The following PRKD1 variants were observed in gnomAD, a reference collection of about 807,000 sequenced individuals.
PRKD1 encodes the protein protein kinase D1.
PRKD1 carries 63 observed loss-of-function variants against 95.9 expected under a neutral mutation model. The observed-to-expected ratio is 0.66, with a 90% CI of 0.54 to 0.81. The LOEUF (loss-of-function observed/expected upper bound fraction) is 0.81. Ranked by LOEUF, PRKD1 falls within the 30% of genes least tolerant of loss-of-function variation. The probability of loss-of-function intolerance (pLI) is 0.00; values close to 1 mark genes in which losing one functional copy is unlikely to be tolerated. For synonymous variants in PRKD1, 425 were observed against 423.1 expected, an observed-to-expected ratio of 1.00 and a Z score of -0.05; for missense variants, 1,048 against 1,165.3, an observed-to-expected ratio of 0.90 and a Z score of 1.47.
chr14:29,592,292 C>T (rs1893157476), intron 16 of PRKD1, among the ~76,000 whole-genome samples: 1 of 151,900 alleles, frequency 6.6e-6, no homozygotes, highest in African/African-American at 2.4e-5. Flanking sequence ...CACTCTTTCC[C>T]CATGATGAGC....
chr14:29,709,950 C>G (rs1246099396), intron 2 of PRKD1, among the ~76,000 whole-genome samples: 1 of 152,132 alleles, frequency 6.6e-6, no homozygotes, highest in Non-Finnish European at 1.5e-5. Flanking sequence ...ACAAAATTAG[C>G]AATCCCAGTT....
At chr14:29,826,159 C>CACACATATATATGATGGAATATATAT (rs1891099754) in intron 1 of PRKD1, among the ~76,000 whole-genome samples, 1 of 146,100 alleles carries the variant, frequency 6.8e-6, no homozygotes, top group African/African-American at 2.5e-5. Flanking sequence ...CATATATACA[C>CACACATATATATGATGGAATATATAT]ACACATATAT....
intron 17 of PRKD1, among the ~76,000 whole-genome samples, chr14:29,577,659 A>G (rs1594332629): frequency 6.6e-6 from 1 of 152,152 alleles, no homozygotes; most frequent in Non-Finnish European, 1.5e-5. Flanking sequence ...CATACTGTTT[A>G]TAAGATAGCA....
intron 1 of PRKD1, among the ~76,000 whole-genome samples, chr14:29,819,203 T>C (rs1254323178): frequency 6.6e-6 from 1 of 152,166 alleles, no homozygotes; most frequent in Non-Finnish European, 1.5e-5. Flanking sequence ...ATATAAATGG[T>C]AGGTTAAGGT....
chr14:29,787,295 T>C (rs181531005), intron 1 of PRKD1, among the ~76,000 whole-genome samples: 2 of 150,832 alleles, frequency 1.3e-5, no homozygotes, highest in Non-Finnish European at 3.0e-5. Context: ...AGAAGATGTG[T>C]ATTCTTCAGC....
chr14:29,636,261 T>C (rs758294746), intron 7 of PRKD1, 29 bp downstream of exon 7: 7 of 1,613,736 alleles, frequency 4.3e-6, no homozygotes, highest in Non-Finnish European at 5.9e-6. Flanking sequence ...GGTTCCCCTG[T>C]TGGCTGAGGC....
chr14:29,682,227 T>A (rs888112016), intron 2 of PRKD1, among the ~76,000 whole-genome samples: 1 of 152,226 alleles, frequency 6.6e-6, no homozygotes, highest in East Asian at 1.9e-4. Context: ...CATCTGGGAA[T>A]ATCAACGTGG....
chr14:29,594,210 T>A, intron 16 of PRKD1: 1 of 436,524 alleles, frequency 2.3e-6, no homozygotes, highest in South Asian at 1.7e-5. Flanking sequence ...AAATTTGTAA[T>A]TCTGACACAT....
chr14:29,717,962 A>G (rs185041430), intron 2 of PRKD1, among the ~76,000 whole-genome samples: 1 of 152,264 alleles, frequency 6.6e-6, no homozygotes, highest in Admixed American at 6.5e-5. Flanking sequence ...CCATTTTATC[A>G]GGAGATAAAT....
chr14:29,757,344 T>C (rs556368511), intron 1 of PRKD1, among the ~76,000 whole-genome samples: 18 of 152,146 alleles, frequency 1.2e-4, no homozygotes, highest in Non-Finnish European at 2.6e-4. Flanking sequence ...TGCAGCTAAA[T>C]GCAAGGTGCC....
At chr14:29,894,484 T>C (rs1376263429) in intron 1 of PRKD1, among the ~76,000 whole-genome samples, 1 of 152,232 alleles carries the variant, frequency 6.6e-6, no homozygotes, top group Non-Finnish European at 1.5e-5. Flanking sequence ...TGGGGACATA[T>C]GGAGAATATT....
chr14:29,700,605 T>C (rs551378602), intron 2 of PRKD1, among the ~76,000 whole-genome samples: 2 of 152,316 alleles, frequency 1.3e-5, no homozygotes, highest in South Asian at 2.1e-4. Flanking sequence ...GTTAATCTTA[T>C]GTGCCTTCTT....
intron 1 of PRKD1, among the ~76,000 whole-genome samples, chr14:29,734,028 C>CTTTTTTTTTTTGT (rs1886588651): frequency 1.5e-5 from 1 of 64,640 alleles, no homozygotes; most frequent in African/African-American, 7.9e-5. Flanking sequence ...ACTTTCCTGC[C>CTTTTTTTTTTTGT]TTTTTTTTTT....
At chr14:29,588,819 T>A (rs999871868) in intron 16 of PRKD1, among the ~76,000 whole-genome samples, 2 of 151,624 alleles carry the variant, frequency 1.3e-5, no homozygotes, top group Non-Finnish European at 2.9e-5. Flanking sequence ...TGTGTGTGTG[T>A]GTGTGTGTGT....
intron 11 of PRKD1, among the ~76,000 whole-genome samples, chr14:29,628,371 A>T (rs1879763854): frequency 6.6e-6 from 1 of 152,224 alleles, no homozygotes; most frequent in African/African-American, 2.4e-5. Context: ...AGGAGGAGGT[A>T]GAAAAGGCCT....
intron 2 of PRKD1, among the ~76,000 whole-genome samples, chr14:29,698,493 T>C (rs918856427): frequency 6.6e-6 from 1 of 152,176 alleles, no homozygotes; most frequent in Non-Finnish European, 1.5e-5. Context: ...ATTTCTGCTT[T>C]CCAGTTTGTC....
In PRKD1 at chr14:29,749,721, T is replaced by C. The variant is rs117089495; in HGVS notation, c.265-24047A>G. ...AGGGTGTGGTCACAGTAAAGTTTAA[T>C]AAGTAACCATTGTTTTCATAATTAT... On this transcript the variant is annotated intron_variant, in intron 1 of 17. Coordinates refer to ENST00000331968, the MANE Select transcript of PRKD1 (RefSeq NM_002742.3). 2.6e-5 allele frequency among the ~76,000 whole-genome samples: 4 copies of C among 152,304 alleles called. No individual in the cohort carries two copies. The East Asian group carries it at 7.7e-4, about 29-fold the overall frequency.
intron 4 of PRKD1, among the ~76,000 whole-genome samples, chr14:29,654,859 G>A (rs926205710): frequency 2.6e-5 from 4 of 152,160 alleles, no homozygotes; most frequent in Admixed American, 2.0e-4. Flanking sequence ...AATTCTGGTC[G>A]AATTTCATGC....
chr14:29,638,523 T>C lies in PRKD1; in HGVS notation c.951A>G (p.Pro317=), dbSNP rs1880529665. 6.2e-7 allele frequency: 1 copy of C among 1,614,236 alleles called. No individual in the cohort carries two copies. The highest frequency in any genetic ancestry group is 8.5e-7 in the Non-Finnish European group (1 of 1,180,022). ...NCHKRCAPKV[P]NNCLGEVTIN... is the part of the protein sequence containing the mutation. ...TGGTCACTTCGCCAAGGCAGTTGTT[T>C]GGTACTTTCGGTGCACAACGTTTAT... The change falls in exon 6 of 18, where the codon CCA becomes CCG. Residue 317 remains proline (P), a synonymous_variant. Coordinates refer to ENST00000331968, the MANE Select transcript of PRKD1 (RefSeq NM_002742.3).
Sources: gnomAD v4.1 joint callset for allele counts (sites outside exome capture counted in the v4.1 genomes callset) on GRCh38, gnomAD v4.1.1 for gene constraint, MANE v1.5 for transcripts, NCBI Gene and HGNC (gene_info 2026-07-23, HGNC 2026-07-21) for gene names.